The following CAV2 variants were observed in gnomAD, a reference collection of about 807,000 sequenced individuals.
The protein encoded by CAV2 is caveolin 2.
CAV2 carries 7 observed loss-of-function variants against 15.5 expected under a neutral mutation model. The observed-to-expected ratio is 0.45, with a 90% CI of 0.26 to 0.85. The LOEUF (loss-of-function observed/expected upper bound fraction) is 0.85. Ranked by LOEUF, CAV2 falls within the 40% of genes least tolerant of loss-of-function variation. The pLI is 0.18. For missense variants in CAV2, 229 were observed against 208.8 expected, an observed-to-expected ratio of 1.10 and a Z score of -0.60; for synonymous variants, 76 against 83.1, an observed-to-expected ratio of 0.91 and a Z score of 0.46.
intron 1 of CAV2, 97 bp from the exon 2 acceptor site, chr7:116,500,163 A>C: frequency 6.6e-7 from 1 of 1,522,296 alleles, no homozygotes; most frequent in Non-Finnish European, 8.8e-7. Context: ...ACGCCCTGGC[A>C]CGTCCTTCCC....
chr7:116,504,013 G>GGAAAGAAA (rs577467777), intron 2 of CAV2, among the ~76,000 whole-genome samples: 3 of 135,000 alleles, frequency 2.2e-5, no homozygotes, highest in Non-Finnish European at 4.7e-5. Flanking sequence ...AGAAAAGAAA[G>GGAAAGAAA]GAAAGAAAGA....
chr7:116,499,877 G>T lies in CAV2; in HGVS notation c.96G>T (p.Lys32Asn). ...HSGLEYADPE[K>N]FADSDQDRDP... ...GCCTCGAGTACGCCGACCCCGAGAA[G>T]TTCGCGGACTCGGACCAGGACCGGG... Residue 32 changes from lysine to asparagine, a missense_variant, in exon 1 of 3, where the codon AAG becomes AAT. By Grantham distance (94) the Lys-to-Asn change is moderately conservative. Coordinates refer to ENST00000222693, the MANE Select transcript of CAV2 (RefSeq NM_001233.5). 1.2e-6 allele frequency: 2 copies of T among 1,612,202 alleles called. No homozygotes were observed. The highest frequency in any genetic ancestry group is 1.7e-6 in the Non-Finnish European group (2 of 1,179,516).
rs1793057831 is a variant in CAV2 at position 116,500,131 on chromosome 7, G to T, written c.151-129G>T. On this transcript the variant is annotated intron_variant, in intron 1 of 2. Transcript: ENST00000222693. ...TTAGCCAGGTTCCTGTGCGCCCACC[G>T]TGACCCTAAGAGAAGAGGCGGACGC... 4 of 1,487,626 alleles carry T rather than the reference G, an allele frequency of 2.7e-6. No individual in the cohort carries two copies. The East Asian group carries it at 9.4e-5, about 35-fold the overall frequency. The allele number at this position is 1,487,626 out of a possible 1,614,324, so 92.2% of individuals were successfully genotyped here. A position where few individuals can be genotyped will look rare whatever the true frequency, so the allele number is the denominator to read the frequency against.
At position 116,499,886 on chromosome 7, in the gene CAV2, C is replaced by G. The variant is rs1451293366; in HGVS notation, c.105C>G (p.Asp35Glu). 3.1e-6 allele frequency: 5 copies of G among 1,612,238 alleles called. No homozygotes were observed. The highest frequency in any genetic ancestry group is 4.2e-6 in the Non-Finnish European group (5 of 1,179,534). ...ACGCCGACCCCGAGAAGTTCGCGGA[C>G]TCGGACCAGGACCGGGATCCCCACC... ...LEYADPEKFADSDQDRDPHRL... is the reference protein window; with the variant it reads ...LEYADPEKFAESDQDRDPHRL... Residue 35 changes from aspartate to glutamate, a missense_variant, in exon 1 of 3, where the codon GAC becomes GAG. Asp to Glu is a conservative substitution (Grantham distance 45). Coordinates refer to ENST00000222693, the MANE Select transcript of CAV2 (RefSeq NM_001233.5).
At chr7:116,501,713 G>T (rs1250610637) in intron 2 of CAV2, among the ~76,000 whole-genome samples, 2 of 152,156 alleles carry the variant, frequency 1.3e-5, no homozygotes, top group African/African-American at 4.8e-5. Flanking sequence ...AACAGACAAG[G>T]CTTTGAAGAG....
In CAV2 at chr7:116,506,259, T is replaced by C. The variant is rs906367249; in HGVS notation, c.*138T>C. 8 of 785,850 alleles carry C rather than the reference T, an allele frequency of 1.0e-5. No individual in the cohort carries two copies. The highest frequency in any genetic ancestry group is 1.8e-5 in the African/African-American group (1 of 56,982). The allele number at this position is 785,850 out of a possible 1,614,324, so 48.7% of individuals were successfully genotyped here. On this transcript the variant is annotated 3_prime_UTR_variant, in exon 3 of 3. Transcript: ENST00000222693. ...TAAGATGAGCAACCACATTTAGAAA[T>C]GTTTATTGACAGGTCTTTTCAAATA...
In CAV2 at chr7:116,506,025, A is replaced by G; in HGVS notation, c.393A>G (p.Thr131=). 1.2e-6 allele frequency: 2 copies of G among 1,613,826 alleles called. No homozygotes were observed. The highest frequency in any genetic ancestry group is 1.7e-6 in the Non-Finnish European group (2 of 1,179,700). Residue 131 remains threonine (T), a synonymous_variant, in exon 3 of 3, where the codon ACA becomes ACG. Transcript: ENST00000222693. ...TAATGGTTCTGCCTTCAGTGCAGACAATATGGAAGAGTGTGACAGATGTTA... is the reference window on the plus strand; with the variant it reads ...TAATGGTTCTGCCTTCAGTGCAGACGATATGGAAGAGTGTGACAGATGTTA... ...TCLMVLPSVQ[T]IWKSVTDVII...
In CAV2 at chr7:116,506,189, C is replaced by G; in HGVS notation, c.*68C>G. On this transcript the variant is annotated 3_prime_UTR_variant, in exon 3 of 3. Transcript: ENST00000222693. ...TCTTTGTTATTATAACATAAAAGCA[C>G]CACTGTTCTGTTCATTTCCTAGCTG... is the stretch of plus-strand genomic sequence containing the variant. 1 of 1,475,414 alleles carries G rather than the reference C, an allele frequency of 6.8e-7. No individual in the cohort carries two copies. The highest frequency in any genetic ancestry group is 9.4e-7 in the Non-Finnish European group (1 of 1,065,702). 91.4% of individuals were successfully genotyped at this position (1,475,414 alleles called of 1,614,324 possible).
At position 116,500,266 on chromosome 7, in the gene CAV2, T is replaced by A; in HGVS notation, c.157T>A (p.Phe53Ile). The A allele has an allele frequency of 6.2e-7, 1 of 1,613,774 alleles. No homozygotes were observed. The highest frequency in any genetic ancestry group is 8.5e-7 in the Non-Finnish European group (1 of 1,179,780). ...CTGCGTCCTGTCTCCTCAGCTGGGC[T>A]TCGAGGATGTGATCGCAGAGCCGGT... Reference protein sequence around the residue: ...HRLNSHLKLGFEDVIAEPVTT... With the variant: ...HRLNSHLKLGIEDVIAEPVTT... The change falls in exon 2 of 3, where the codon TTC becomes ATC. Residue 53 changes from phenylalanine to isoleucine, a missense_variant. Transcript: ENST00000222693.
rs1433910888 is a variant in CAV2 at position 116,506,315 on chromosome 7, A to G, written c.*194A>G. The G allele has an allele frequency of 7.3e-6, 4 of 550,876 alleles. No homozygotes were observed. The Admixed American group carries it at 1.0e-4, about 14-fold the overall frequency. 34.1% of individuals were successfully genotyped at this position (550,876 alleles called of 1,614,324 possible). A position where few individuals can be genotyped will look rare whatever the true frequency, so the allele number is the denominator to read the frequency against. ...TTTCTAATTAATAGCCAAAGATTTC[A>G]TATCTAACTTTGTAACCAGAATTAT... On this transcript the variant is annotated 3_prime_UTR_variant, in exon 3 of 3. Transcript: ENST00000222693.
rs1793066670 is a variant in CAV2 at position 116,500,279 on chromosome 7, T to C, written c.170T>C (p.Ile57Thr). ...SHLKLGFEDV[I>T]AEPVTTHSFD... ...CCTCAGCTGGGCTTCGAGGATGTGA[T>C]CGCAGAGCCGGTGACTACGCACTCC... Residue 57 changes from isoleucine to threonine, a missense_variant, in exon 2 of 3, where the codon ATC (isoleucine) becomes ACC (threonine). Physicochemically the swap from Ile to Thr is moderately conservative, Grantham distance 89. Coordinates refer to ENST00000222693, the MANE Select transcript of CAV2 (RefSeq NM_001233.5). 6.2e-7 allele frequency: 1 copy of C among 1,613,988 alleles called. No individual in the cohort carries two copies. The highest frequency in any genetic ancestry group is 1.7e-5 in the Admixed American group (1 of 60,008).
chr7:116,500,089 C>T, intron 1 of CAV2, 158 bp downstream of exon 1: 1 of 1,467,504 alleles, frequency 6.8e-7, no homozygotes, highest in South Asian at 1.4e-5. Flanking sequence ...CCAGGCCGCC[C>T]GCGTAGCCAG....
chr7:116,504,028 AAG>A (rs1269925552), intron 2 of CAV2, among the ~76,000 whole-genome samples: 9 of 103,618 alleles, frequency 8.7e-5, no homozygotes, highest in African/African-American at 1.4e-4. Flanking sequence ...GAAAGAAAGA[AAG>A]AGAAAGAAAA....
At chr7:116,499,984 G>A in intron 1 of CAV2, 53 bp downstream of exon 1, 1 of 1,584,582 alleles carries the variant, frequency 6.3e-7, no homozygotes, top group Non-Finnish European at 8.6e-7. Context: ...GGAGGTGCGG[G>A]CGCCCCTCAG....
At chr7:116,499,972 C>G in intron 1 of CAV2, 41 bp downstream of exon 1, 2 of 1,595,038 alleles carry the variant, frequency 1.3e-6, no homozygotes, top group South Asian at 2.3e-5. Flanking sequence ...CCGCTGAGGC[C>G]GGGAGGTGCG....
chr7:116,500,271 G>A lies in CAV2; in HGVS notation c.162G>A (p.Glu54=), dbSNP rs749892853. The A allele has an allele frequency of 1.2e-6, 2 of 1,613,984 alleles. No homozygotes were observed. Among genetic ancestry groups the A allele is most frequent in the South Asian group, 1.1e-5 (1 of 91,050 alleles). The change falls in exon 2 of 3, where the codon GAG becomes GAA. Residue 54 remains glutamate (E), a synonymous_variant. Coordinates refer to ENST00000222693, the MANE Select transcript of CAV2 (RefSeq NM_001233.5). ...TCCTGTCTCCTCAGCTGGGCTTCGA[G>A]GATGTGATCGCAGAGCCGGTGACTA... ...RLNSHLKLGF[E]DVIAEPVTTH... is the part of the protein sequence containing the mutation.
Position 116,504,092 on chromosome 7 carries a change from T to G in CAV2, c.339-1879T>G, listed in dbSNP as rs568702030. ...GGAAGGAATTCTAAGTGAAGTGGAT[T>G]TGGTTAGGAAACTTTCTGATCTAAA... On this transcript the variant is annotated intron_variant, in intron 2 of 2. Coordinates refer to ENST00000222693, the MANE Select transcript of CAV2 (RefSeq NM_001233.5). Among the ~76,000 whole-genome samples, 3 of 152,052 alleles carry G rather than the reference T, an allele frequency of 2.0e-5. No homozygotes were observed. The South Asian group carries it at 6.3e-4, about 32-fold the overall frequency.
intron 2 of CAV2, chr7:116,500,680 A>AT: frequency 1.9e-6 from 1 of 514,824 alleles, no homozygotes; most frequent in Non-Finnish European, 3.4e-6. Flanking sequence ...CTGGGGTGTG[A>AT]TTTTCCTTGC....
rs573437573 is a variant in CAV2, at chr7:116,505,885, A to G, written c.339-86A>G. 4.9e-5 allele frequency: 38 copies of G among 775,230 alleles called. No homozygotes were observed. The South Asian group carries it at 8.1e-4, about 17-fold the overall frequency. 48.0% of individuals were successfully genotyped at this position (775,230 alleles called of 1,614,324 possible). ...TCAACCAAATTTAAGTAAATGGGTCAGTATTTTATCTTTTCATACATGTAC... is the reference window on the plus strand; with the variant it reads ...TCAACCAAATTTAAGTAAATGGGTCGGTATTTTATCTTTTCATACATGTAC... On this transcript the variant is annotated intron_variant, in intron 2 of 2. Coordinates refer to ENST00000222693, the MANE Select transcript of CAV2 (RefSeq NM_001233.5).
Sources: gnomAD v4.1 joint callset for allele counts (sites outside exome capture counted in the v4.1 genomes callset) on GRCh38, gnomAD v4.1.1 for gene constraint, MANE v1.5 for transcripts, NCBI Gene and HGNC (gene_info 2026-07-23, HGNC 2026-07-21) for gene names.